The following ZNF70 variants were observed in gnomAD, a reference collection of about 807,000 sequenced individuals.
ZNF70 encodes the protein zinc finger protein 70, also known as zinc finger protein N27C7-1.
In ZNF70, 18 loss-of-function variants were observed where a neutral mutation model predicts 37.7. The ratio of observed to expected loss-of-function variants is 0.48; its 90% CI spans 0.33 to 0.71. The LOEUF is 0.71. Ranked by LOEUF, ZNF70 falls within the 30% of genes least tolerant of loss-of-function variation. The pLI is 0.02. For synonymous variants in ZNF70, 219 were observed against 220.1 expected (o/e 0.99, Z 0.05); for missense variants, 506 against 568.6 (o/e 0.89, Z 1.12).
chr22:23,750,975 A>T lies in ZNF70; in HGVS notation c.-344T>A, dbSNP rs903913059. The T allele has an allele frequency of 7.3e-5, 11 of 151,246 alleles. No homozygotes were observed. Among genetic ancestry groups the T allele is most frequent in the African/African-American group, 2.7e-4 (11 of 41,182 alleles). The allele number at this position is 151,246 out of a possible 1,614,324, so 9.4% of individuals were successfully genotyped here. On this transcript the variant is annotated 5_prime_UTR_variant, in exon 1 of 2. Coordinates refer to ENST00000341976, the MANE Select transcript of ZNF70 (RefSeq NM_021916.4). ...AGGTCACACCGGCGGACGCGGGGCC[A>T]CTCACCTGGGCCGGGGCGGGGCAGC...
chr22:23,748,979 G>C (rs1189701481), intron 1 of ZNF70, among the ~76,000 whole-genome samples: 1 of 151,680 alleles, frequency 6.6e-6, no homozygotes, highest in African/African-American at 2.4e-5. Flanking sequence ...GGAACCTCTG[G>C]CTCCTGGGTT....
Position 23,744,457 on chromosome 22 carries a change from T to C in ZNF70, c.684A>G (p.Glu228=). Residue 228 remains glutamate (E), a synonymous_variant, in exon 2 of 2, where the codon GAA becomes GAG. Coordinates refer to ENST00000341976, the MANE Select transcript of ZNF70 (RefSeq NM_021916.4). Reference sequence around the variant, plus strand: ...AGCTCCGGCTGAAATCTTTCCCGCATTCCCTGCACTCGTAGGGCCTCTTTC... The same window carrying C: ...AGCTCCGGCTGAAATCTTTCCCGCACTCCCTGCACTCGTAGGGCCTCTTTC... ...HTGKRPYECR[E]CGKDFSRSSS... 2 of 1,612,936 alleles carry C rather than the reference T, an allele frequency of 1.2e-6. No homozygotes were observed. Among genetic ancestry groups the C allele is most frequent in the Non-Finnish European group, 1.7e-6 (2 of 1,179,704 alleles).
Position 23,744,949 on chromosome 22 carries a change from C to T in ZNF70, c.192G>A (p.Glu64=), listed in dbSNP as rs750591726. ...GGCTTGAGCACAAACTGAAATTCCC[C>T]TCGTAATCATCATTTTCTTCGTCCT... ...GEQDEENDDY[E]GNFSLCSSPV... Residue 64 remains glutamate, a synonymous_variant, in exon 2 of 2, where the codon GAG becomes GAA. Coordinates refer to ENST00000341976, the MANE Select transcript of ZNF70 (RefSeq NM_021916.4). The T allele has an allele frequency of 1.2e-6, 2 of 1,614,158 alleles. No homozygotes were observed. Among genetic ancestry groups the T allele is most frequent in the South Asian group, 2.2e-5 (2 of 91,082 alleles).
At chr22:23,747,339 C>G (rs951257466) in intron 1 of ZNF70, among the ~76,000 whole-genome samples, 2 of 152,122 alleles carry the variant, frequency 1.3e-5, no homozygotes, top group East Asian at 3.9e-4. Context: ...AACTGGAACC[C>G]TATCGTAAAC....
chr22:23,748,131 T>C (rs932489458), intron 1 of ZNF70, among the ~76,000 whole-genome samples: 9 of 149,544 alleles, frequency 6.0e-5, no homozygotes, highest in Non-Finnish European at 2.9e-5. Flanking sequence ...TTCACAACTC[T>C]ATACAAAGGC....
intron 1 of ZNF70, among the ~76,000 whole-genome samples, chr22:23,746,607 T>A (rs1925131370): frequency 6.6e-6 from 1 of 151,804 alleles, no homozygotes; most frequent in African/African-American, 2.4e-5. Context: ...TCTTCTTTTT[T>A]ATTTGAGATA....
At chr22:23,750,001 C>T (rs572724566) in intron 1 of ZNF70, among the ~76,000 whole-genome samples, 1 of 152,286 alleles carries the variant, frequency 6.6e-6, no homozygotes, top group African/African-American at 2.4e-5. Flanking sequence ...TGCAACTAGC[C>T]GCTAAGTCCC....
At position 23,744,504 on chromosome 22, in the gene ZNF70, G is replaced by C. The variant is rs1399842758; in HGVS notation, c.637C>G (p.Gln213Glu). Residue 213 changes from glutamine (Q) to glutamate (E), a missense_variant, in exon 2 of 2, where the codon CAA (glutamine) becomes GAA (glutamate). Physicochemically the swap from Gln to Glu is conservative, Grantham distance 29. Coordinates refer to ENST00000341976, the MANE Select transcript of ZNF70 (RefSeq NM_021916.4). ...TTTCCGGTGTGGATCTTTTGGTGTT[G>C]CGTGAGGGCTGAGCTCTGGCGGAAG... ...KAFRQSSALT[Q>E]HQKIHTGKRP... The C allele has an allele frequency of 6.2e-7, 1 of 1,611,800 alleles. No homozygotes were observed. The highest frequency in any genetic ancestry group is 1.1e-5 in the South Asian group (1 of 90,956).
In ZNF70 at chr22:23,745,154, T is replaced by C. The variant is rs139792700; in HGVS notation, c.-14A>G. 1,079 of 1,607,346 alleles carry C rather than the reference T, an allele frequency of 6.7e-4. 16 individuals carry two copies. The East Asian group carries it at 0.023, about 34-fold the overall frequency. ...GGGAACCTCCATTGTGAATCTGCTA[T>C]CATCCCCAATGGTTGTATTTCTTTA... On this transcript the variant is annotated 5_prime_UTR_variant, in exon 2 of 2. It removes the in-frame stop codon of an upstream open reading frame in the 5' UTR. Coordinates refer to ENST00000341976, the MANE Select transcript of ZNF70 (RefSeq NM_021916.4).
chr22:23,745,131 G>A lies in ZNF70; in HGVS notation c.10C>T (p.Pro4Ser), dbSNP rs1033267306. The change falls in exon 2 of 2, where the codon CCC (proline) becomes TCC (serine). Residue 4 changes from proline (P) to serine (S), a missense_variant. Pro to Ser is a moderately conservative substitution (Grantham distance 74, BLOSUM62 -1). Coordinates refer to ENST00000341976, the MANE Select transcript of ZNF70 (RefSeq NM_021916.4). MEV[P>S]PATKFGETFA... ...GTCTCACCAAACTTTGTTGCTGGGG[G>A]AACCTCCATTGTGAATCTGCTATCA... 5 of 1,611,366 alleles carry A rather than the reference G, an allele frequency of 3.1e-6. No homozygotes were observed. In the Admixed American group the frequency reaches 6.7e-5, roughly 22 times the overall value.
rs1924914254 is a variant in ZNF70, at chr22:23,742,624, GGA to G, written c.*1174_*1175del. Reference sequence around the variant, plus strand: ...AGACGGGAACATCTCTCCAGTCCGTGGAAATGCACAGGGGTGGGGCAGGGGTC... The same window carrying G: ...AGACGGGAACATCTCTCCAGTCCGTGAATGCACAGGGGTGGGGCAGGGGTC... On this transcript the variant is annotated 3_prime_UTR_variant, in exon 2 of 2. Transcript: ENST00000341976. The G allele has an allele frequency of 6.6e-6, 1 of 152,402 alleles. No individual in the cohort carries two copies. Among genetic ancestry groups the G allele is most frequent in the African/African-American group, 2.4e-5 (1 of 41,460 alleles). The allele number at this position is 152,402 out of a possible 1,614,324, so 9.4% of individuals were successfully genotyped here.
rs1569134403 is a variant in ZNF70 at position 23,744,062 on chromosome 22, C to T, written c.1079G>A (p.Gly360Asp). 1 of 1,614,208 alleles carries T rather than the reference C, an allele frequency of 6.2e-7. No individual in the cohort carries two copies. Among genetic ancestry groups the T allele is most frequent in the Non-Finnish European group, 8.5e-7 (1 of 1,180,040 alleles). Residue 360 changes from glycine to aspartate, a missense_variant, in exon 2 of 2, where the codon GGT becomes GAT. Gly to Asp is a moderately conservative substitution (Grantham distance 94). Coordinates refer to ENST00000341976, the MANE Select transcript of ZNF70 (RefSeq NM_021916.4). ...CTGACAGCACTCGTAGGGCTTCTCACCGGTGTGGATGCGCTGGTGCTCAAT... is the reference window on the plus strand; with the variant it reads ...CTGACAGCACTCGTAGGGCTTCTCATCGGTGTGGATGCGCTGGTGCTCAAT... ...SLIEHQRIHT[G>D]EKPYECCQCG...
chr22:23,739,664 T>A lies in ZNF70; in HGVS notation c.*4136A>T, dbSNP rs1447750845. On this transcript the variant is annotated 3_prime_UTR_variant, in exon 2 of 2. Transcript: ENST00000341976. ...CCCAGGCTGAAGGGTAGTGGCACAA[T>A]CTTGGCTCACTGCAACCTCCGCCTC... 7.0e-6 allele frequency: 1 copy of A among 142,730 alleles called. No individual in the cohort carries two copies. The highest frequency in any genetic ancestry group is 2.6e-5 in the African/African-American group (1 of 38,300). The allele number at this position is 142,730 out of a possible 1,614,324, so 8.8% of individuals were successfully genotyped here.
chr22:23,746,352 G>A (rs1298177415), intron 1 of ZNF70, among the ~76,000 whole-genome samples: 10 of 151,470 alleles, frequency 6.6e-5, no homozygotes, highest in African/African-American at 1.9e-4. Flanking sequence ...GATTACAAGC[G>A]CCCACCACCA....
chr22:23,738,767 G>A lies in ZNF70; in HGVS notation c.*5033C>T, dbSNP rs537129593. 2.0e-5 allele frequency: 3 copies of A among 152,146 alleles called. No homozygotes were observed. Among genetic ancestry groups the A allele is most frequent in the South Asian group, 4.1e-4 (2 of 4,822 alleles). The allele number at this position is 152,146 out of a possible 1,614,324, so 9.4% of individuals were successfully genotyped here. ...CTTGAGAAAAACTGCACAACATAGC[G>A]ACAATACACATACAGAAATTAAAAG... On this transcript the variant is annotated 3_prime_UTR_variant, in exon 2 of 2. Transcript: ENST00000341976.
rs147526918 is a variant in ZNF70 at position 23,749,177 on chromosome 22, A to C, written c.-80+1534T>G. On this transcript the variant is annotated intron_variant, in intron 1 of 1. Coordinates refer to ENST00000341976, the MANE Select transcript of ZNF70 (RefSeq NM_021916.4). ...GGAGTTCAAGACCAGCCTGGCCAAG[A>C]TGGTGAAACCCCGTCTCTACTAAAA... 9.8e-3 allele frequency among the ~76,000 whole-genome samples: 1,490 copies of C among 151,580 alleles called. 21 individuals carry two copies. Among genetic ancestry groups the C allele is most frequent in the African/African-American group, 0.034 (1,409 of 41,286 alleles).
intron 1 of ZNF70, among the ~76,000 whole-genome samples, chr22:23,747,544 A>C (rs1925170604): frequency 6.6e-6 from 1 of 152,134 alleles, no homozygotes; most frequent in East Asian, 1.9e-4. Flanking sequence ...TAAATAAAAC[A>C]GACAAGTCCG....
rs758536519 is a variant in ZNF70, at chr22:23,744,682, C to T, written c.459G>A (p.Ser153=). The T allele has an allele frequency of 2.4e-5, 39 of 1,610,060 alleles. No homozygotes were observed. Among genetic ancestry groups the T allele is most frequent in the African/African-American group, 1.4e-5 (1 of 73,536 alleles). The stretch of plus-strand genomic sequence containing the variant: ...GGATCACCAGGTGTCGGAGCAGGTG[C>T]GAGCTCTGGCTGAAGGCCTTCCCAC... ...RECGKAFSQS[S]HLLRHLVIHT... is the part of the protein sequence containing the mutation. The change falls in exon 2 of 2, where the codon TCG becomes TCA. Residue 153 remains serine (S), a synonymous_variant. Coordinates refer to ENST00000341976, the MANE Select transcript of ZNF70 (RefSeq NM_021916.4).
Position 23,746,455 on chromosome 22 carries a change from C to T in ZNF70, c.-79-1236G>A, listed in dbSNP as rs957977804. On this transcript the variant is annotated intron_variant, in intron 1 of 1. Coordinates refer to ENST00000341976, the MANE Select transcript of ZNF70 (RefSeq NM_021916.4). ...CTTCTGATCTCAAGTGATCTGCCTG[C>T]CTTGGCCTCCCAAAGTGCTGGGATT... Among the ~76,000 whole-genome samples the T allele has an allele frequency of 2.0e-5, 3 of 152,090 alleles. No homozygotes were observed. The South Asian group carries it at 6.3e-4, about 32-fold the overall frequency.
Sources: allele counts gnomAD v4.1 joint callset (sites outside exome capture counted in the v4.1 genomes callset), GRCh38; gene constraint gnomAD v4.1.1; transcripts MANE v1.5; gene names NCBI Gene and HGNC (gene_info 2026-07-23, HGNC 2026-07-21).